PCMTD1: variants seen among roughly 807,000 people sequenced by gnomAD.
PCMTD1 encodes protein-L-isoaspartate O-methyltransferase domain-containing protein 1.
PCMTD1 carries 12 observed loss-of-function variants against 37.6 expected under a neutral mutation model. The ratio of observed to expected loss-of-function variants is 0.32; its 90% confidence interval spans 0.20 to 0.52. PCMTD1 has a LOEUF of 0.52. Among genes scored for constraint, PCMTD1 ranks in the 20% least tolerant of loss-of-function variants. PCMTD1 has a pLI of 0.97. For synonymous variants in PCMTD1, 117 were observed against 135.8 expected, an observed-to-expected ratio of 0.86 and a Z score of 0.96; for missense variants, 235 against 421.3, an observed-to-expected ratio of 0.56 and a Z score of 3.87.
chr8:51,865,510 T>A (rs183882495), intron 1 of PCMTD1, among the ~76,000 whole-genome samples: 187 of 152,184 alleles, frequency 1.2e-3, no homozygotes, highest in Middle Eastern at 6.8e-3. Context: ...AATACAAGGA[T>A]TGTTGAATAT....
chr8:51,831,842 TAGG>T (rs1233991735), intron 4 of PCMTD1, among the ~76,000 whole-genome samples: 2 of 152,236 alleles, frequency 1.3e-5, no homozygotes, highest in Non-Finnish European at 2.9e-5. Flanking sequence ...TGACAGTGTC[TAGG>T]AGAAGCACTA....
chr8:51,883,174 T>C (rs2038816949), intron 1 of PCMTD1, among the ~76,000 whole-genome samples: 1 of 151,850 alleles, frequency 6.6e-6, no homozygotes, highest in Non-Finnish European at 1.5e-5. Flanking sequence ...AGGTAAATGC[T>C]TCAGAGTTCA....
intron 1 of PCMTD1, among the ~76,000 whole-genome samples, chr8:51,875,962 C>CTG (rs982300718): frequency 2.7e-4 from 23 of 86,740 alleles, no homozygotes; most frequent in African/African-American, 6.3e-4. Context: ...GTGTGTGTGT[C>CTG]TGTGTGTGTG....
intron 2 of PCMTD1, among the ~76,000 whole-genome samples, chr8:51,857,718 G>C (rs1388966775): frequency 6.6e-6 from 1 of 152,132 alleles, no homozygotes; most frequent in Non-Finnish European, 1.5e-5. Flanking sequence ...ATTTGAAATT[G>C]AAAAACATGT....
Position 51,820,183 on chromosome 8 carries a change from CTTT to C in PCMTD1, c.*165_*167del. 1 of 521,664 alleles carries C rather than the reference CTTT, an allele frequency of 1.9e-6. No homozygotes were observed. The highest frequency in any genetic ancestry group is 5.2e-5 in the South Asian group (1 of 19,390). The allele number at this position is 521,664 out of a possible 1,614,324, so 32.3% of individuals were successfully genotyped here. A position where few individuals can be genotyped will look rare whatever the true frequency, so the allele number is the denominator to read the frequency against. On this transcript the variant is annotated 3_prime_UTR_variant, in exon 6 of 6. Transcript: ENST00000522514. ...AAAAATAGATTTTATAAAAGGGATT[CTTT>C]TATTCACTGAATACATCATTTGTGT...
chr8:51,842,236 G>A (rs543822409), intron 3 of PCMTD1, among the ~76,000 whole-genome samples: 1 of 151,980 alleles, frequency 6.6e-6, no homozygotes, highest in Non-Finnish European at 1.5e-5. Flanking sequence ...ATAAGACTAA[G>A]ACATACAAAG....
rs774953654 is a variant in PCMTD1, at chr8:51,898,018, G to T, written c.-96+912C>A. Among the ~76,000 whole-genome samples, 4 of 152,084 alleles carry T rather than the reference G, an allele frequency of 2.6e-5. No individual in the cohort carries two copies. In the South Asian group the frequency reaches 8.3e-4, roughly 32 times the overall value. ...GGGTAGTAAGAAGGAGAAATATGGG[G>T]GGAAGGGCGCGAGAGAGGGCAGGTT... is the stretch of plus-strand genomic sequence containing the variant. On this transcript the variant is annotated intron_variant, in intron 1 of 5. Transcript: ENST00000522514.
At chr8:51,881,880 C>T (rs2038797882) in intron 1 of PCMTD1, among the ~76,000 whole-genome samples, 1 of 152,162 alleles carries the variant, frequency 6.6e-6, no homozygotes, top group Non-Finnish European at 1.5e-5. Flanking sequence ...ATCTCTCCTC[C>T]CACAGCCTTT....
chr8:51,894,979 C>T (rs1325577352), intron 1 of PCMTD1, among the ~76,000 whole-genome samples: 1 of 152,072 alleles, frequency 6.6e-6, no homozygotes, highest in African/African-American at 2.4e-5. Context: ...CTAAGTTGAT[C>T]AGGGAGAACA....
chr8:51,823,077 A>T (rs944945670), intron 5 of PCMTD1, among the ~76,000 whole-genome samples: 1 of 152,238 alleles, frequency 6.6e-6, no homozygotes, highest in Non-Finnish European at 1.5e-5. Context: ...TATCAAGACC[A>T]ACTGGACCCA....
intron 3 of PCMTD1, 35 bp from the exon 4 acceptor site, chr8:51,833,724 GC>G (rs1205774625): frequency 6.3e-7 from 1 of 1,575,748 alleles, no homozygotes; most frequent in Non-Finnish European, 8.6e-7. Flanking sequence ...ATTCAATTAA[GC>G]AAAACATTAG....
intron 2 of PCMTD1, among the ~76,000 whole-genome samples, chr8:51,859,712 C>A (rs2038443723): frequency 1.3e-5 from 2 of 152,104 alleles, no homozygotes; most frequent in South Asian, 4.1e-4. Context: ...ACTAGGATAA[C>A]AGAGATAAAG....
intron 1 of PCMTD1, among the ~76,000 whole-genome samples, chr8:51,883,056 G>A (rs775781650): frequency 4.6e-4 from 70 of 151,730 alleles, no homozygotes; most frequent in Admixed American, 9.2e-4. Flanking sequence ...AGAATGGCGT[G>A]AACCCAGGAG....
chr8:51,842,662 A>G (rs142693829), intron 3 of PCMTD1, among the ~76,000 whole-genome samples: 1 of 152,156 alleles, frequency 6.6e-6, no homozygotes, highest in East Asian at 1.9e-4. Context: ...AACTTTATAT[A>G]TTCTAATGCA....
intron 1 of PCMTD1, among the ~76,000 whole-genome samples, chr8:51,890,769 A>G (rs1022317): frequency 0.71 from 108,340 of 152,134 alleles, 43,488 homozygotes; most frequent in Non-Finnish European, 0.9. Context: ...CCCTAATAAC[A>G]TTAAGTCAAG....
intron 3 of PCMTD1, among the ~76,000 whole-genome samples, chr8:51,844,159 G>T (rs1162469008): frequency 6.6e-6 from 1 of 152,052 alleles, no homozygotes; most frequent in Non-Finnish European, 1.5e-5. Context: ...GACACAAAAA[G>T]ATGCTAAAAT....
At chr8:51,887,090 A>G (rs1253222684) in intron 1 of PCMTD1, among the ~76,000 whole-genome samples, 2 of 151,534 alleles carry the variant, frequency 1.3e-5, no homozygotes, top group Admixed American at 6.6e-5. Flanking sequence ...ATTTTTAAGG[A>G]CCCTTATGAT....
At chr8:51,859,793 C>T (rs1199666133) in intron 2 of PCMTD1, among the ~76,000 whole-genome samples, 1 of 152,176 alleles carries the variant, frequency 6.6e-6, no homozygotes. Context: ...ATTTAAAATT[C>T]TTCAATGATT....
chr8:51,842,962 T>C (rs1466077068), intron 3 of PCMTD1, among the ~76,000 whole-genome samples: 1 of 152,028 alleles, frequency 6.6e-6, no homozygotes, highest in Non-Finnish European at 1.5e-5. Flanking sequence ...TTTGTTAACA[T>C]ATATTTTGAT....
Sources: gnomAD v4.1 joint callset for allele counts (sites outside exome capture counted in the v4.1 genomes callset) on GRCh38, gnomAD v4.1.1 for gene constraint, MANE v1.5 for transcripts, NCBI Gene and HGNC (gene_info 2026-07-23, HGNC 2026-07-21) for gene names.